PCDH15: variants seen among roughly 807,000 people sequenced by gnomAD.
The protein encoded by PCDH15 is protocadherin-15.
PCDH15 carries 129 observed loss-of-function variants against 178.5 expected under a neutral mutation model. The ratio of observed to expected loss-of-function variants is 0.72; its 90% confidence interval spans 0.63 to 0.84. The LOEUF (loss-of-function observed/expected upper bound fraction) is 0.84, where lower values mean the gene tolerates loss of function less well. Ranked by LOEUF, PCDH15 falls within the 40% of genes least tolerant of loss-of-function variation. The pLI, the probability that PCDH15 is intolerant of heterozygous loss-of-function variation, is 0.00. For synonymous variants in PCDH15, 800 were observed against 732.0 expected (o/e 1.09, Z -1.50); for missense variants, 2,230 against 2,099.9 (o/e 1.06, Z -1.21).
intron 2 of PCDH15, among the ~76,000 whole-genome samples, chr10:54,954,657 A>T (rs987118677): frequency 8.6e-5 from 13 of 151,266 alleles, no homozygotes; most frequent in African/African-American, 3.1e-4. Context: ...GTCTAAATAG[A>T]TCTGCTTTAC....
chr10:54,960,848 A>T (rs921778354), intron 2 of PCDH15, among the ~76,000 whole-genome samples: 1 of 152,200 alleles, frequency 6.6e-6, no homozygotes, highest in East Asian at 1.9e-4. Context: ...ATATATCTAC[A>T]AGTGTACAAC....
chr10:55,239,942 C>A (rs953916730), intron 1 of PCDH15, among the ~76,000 whole-genome samples: 3 of 151,916 alleles, frequency 2.0e-5, no homozygotes, highest in Admixed American at 6.6e-5. Flanking sequence ...ATATTCATAT[C>A]AAAAAAATTC....
rs78138456 is a variant in PCDH15, at chr10:54,681,373, G to A, written c.-28-17083C>T. On this transcript the variant is annotated intron_variant, in intron 1 of 37. Transcript: ENST00000644397. ...CATGGCACTAACATAGGCTATCTAC[G>A]GAGGATGTACAAAGAGAGAAAAAAT... Among the ~76,000 whole-genome samples the A allele has an allele frequency of 2.6e-3, 389 of 152,238 alleles. 4 individuals are homozygous for A. The highest frequency in any genetic ancestry group is 8.7e-3 in the African/African-American group (362 of 41,538).
intron 2 of PCDH15, among the ~76,000 whole-genome samples, chr10:54,558,985 G>A (rs1351493151): frequency 6.6e-6 from 1 of 151,900 alleles, no homozygotes; most frequent in Non-Finnish European, 1.5e-5. Context: ...GTTTCTGATA[G>A]CCAAAGAATA....
At chr10:54,098,629 G>A (rs574373595) in intron 15 of PCDH15, among the ~76,000 whole-genome samples, 99 of 152,200 alleles carry the variant, frequency 6.5e-4, no homozygotes, top group African/African-American at 2.3e-3. Context: ...ATGTTGTCAG[G>A]CCTCTGAAAG....
chr10:54,286,446 A>G (rs1350624166), intron 8 of PCDH15, among the ~76,000 whole-genome samples: 2 of 152,176 alleles, frequency 1.3e-5, no homozygotes, highest in Non-Finnish European at 2.9e-5. Flanking sequence ...CTACATACTA[A>G]AACAAAGAAT....
chr10:55,488,963 G>A (rs980160465), intron 2 of PCDH15, among the ~76,000 whole-genome samples: 4 of 151,280 alleles, frequency 2.6e-5, no homozygotes, highest in East Asian at 3.9e-4. Flanking sequence ...ATTTCAAGAA[G>A]TTTAGTACCA....
chr10:54,870,809 T>A (rs368427792), intron 3 of PCDH15, among the ~76,000 whole-genome samples: 3 of 150,932 alleles, frequency 2.0e-5, no homozygotes, highest in Non-Finnish European at 4.4e-5. Context: ...AATAAAAAAA[T>A]AAAAAAAAAA....
At chr10:54,237,060 A>G (rs1029487410) in intron 8 of PCDH15, 129 bp from the exon 9 acceptor site, 1 of 809,634 alleles carries the variant, frequency 1.2e-6, no homozygotes, top group African/African-American at 1.7e-5. Context: ...AACATTTATG[A>G]TCTAATACCT....
chr10:54,108,062 G>C (rs1355317022), intron 15 of PCDH15, among the ~76,000 whole-genome samples: 2 of 152,174 alleles, frequency 1.3e-5, no homozygotes, highest in East Asian at 3.9e-4. Context: ...AAGGGTGTCA[G>C]TAGGACAGCA....
rs138398244 is a variant in PCDH15, at chr10:53,831,469, G to A, written c.4048C>T (p.Arg1350Cys). The change falls in exon 30 of 38, where the codon CGC (arginine) becomes TGC (cysteine). Residue 1350 changes from arginine (R) to cysteine (C), a missense_variant. By Grantham distance (180) the Arg-to-Cys change is radical. Coordinates refer to ENST00000644397, the MANE Select transcript of PCDH15 (RefSeq NM_001384140.1). ...TCTGGAGTCCGGATCTCCAGAATGC[G>A]TCCTCCTTCCCCATAATACGGCTGA... ...DFQPYYGEGGRILEIRTPEAV... is the reference protein window; with the variant it reads ...DFQPYYGEGGCILEIRTPEAV... 3.8e-5 allele frequency: 61 copies of A among 1,614,040 alleles called. No individual in the cohort carries two copies. The highest frequency in any genetic ancestry group is 4.2e-5 in the Non-Finnish European group (49 of 1,180,000).
intron 3 of PCDH15, among the ~76,000 whole-genome samples, chr10:54,857,976 G>A (rs1053648172): frequency 6.0e-5 from 9 of 149,648 alleles, no homozygotes; most frequent in Non-Finnish European, 8.9e-5. Flanking sequence ...CAGCAATTTC[G>A]AAATGTACAA....
chr10:53,857,160 G>A lies in PCDH15; in HGVS notation c.3806+15C>T. On this transcript the variant is annotated intron_variant, in intron 28 of 37. Coordinates refer to ENST00000644397, the MANE Select transcript of PCDH15 (RefSeq NM_001384140.1). ...TCATATAAAAATAAATATATAAGGA[G>A]ACAAAATCAATTACTCTGTAAGATC... 1 of 1,534,268 alleles carries A rather than the reference G, an allele frequency of 6.5e-7. No homozygotes were observed. Among genetic ancestry groups the A allele is most frequent in the Non-Finnish European group, 9.0e-7 (1 of 1,109,758 alleles).
intron 3 of PCDH15, among the ~76,000 whole-genome samples, chr10:54,497,419 T>C (rs2080232793): frequency 6.6e-6 from 1 of 152,144 alleles, no homozygotes; most frequent in African/African-American, 2.4e-5. Flanking sequence ...ATGACTGCAC[T>C]AACTCCCCAG....
intron 13 of PCDH15, among the ~76,000 whole-genome samples, chr10:54,158,725 C>A: frequency 6.8e-6 from 1 of 146,256 alleles, no homozygotes; most frequent in Non-Finnish European, 1.5e-5. Context: ...CAGAAAGCCA[C>A]AGTTGATATA....
At chr10:55,107,707 G>T (rs1165072915) in intron 2 of PCDH15, among the ~76,000 whole-genome samples, 5 of 151,438 alleles carry the variant, frequency 3.3e-5, no homozygotes, top group African/African-American at 1.2e-4. Flanking sequence ...TGGCCAGGCT[G>T]GTCTCGAACT....
chr10:54,783,249 A>G (rs1047480730), intron 1 of PCDH15, among the ~76,000 whole-genome samples: 5 of 152,138 alleles, frequency 3.3e-5, no homozygotes, highest in Admixed American at 1.3e-4. Flanking sequence ...TTATGATCTG[A>G]ATGAGAAATT....
rs373210211 is a variant in PCDH15 at position 54,508,564 on chromosome 10, A to G, written c.157+19248T>C. On this transcript the variant is annotated intron_variant, in intron 3 of 37. Coordinates refer to ENST00000644397, the MANE Select transcript of PCDH15 (RefSeq NM_001384140.1). The stretch of plus-strand genomic sequence containing the variant: ...TATTGGTCTACATTTGGGCAAAATC[A>G]AATGCTTATTTCATAATTAAGTGTT... 1.8e-4 allele frequency among the ~76,000 whole-genome samples: 28 copies of G among 152,266 alleles called. No homozygotes were observed. The South Asian group carries it at 2.1e-3, about 11-fold the overall frequency.
intron 16 of PCDH15, among the ~76,000 whole-genome samples, chr10:54,088,450 C>A (rs999390101): frequency 6.6e-6 from 1 of 152,066 alleles, no homozygotes; most frequent in Non-Finnish European, 1.5e-5. Context: ...ATTCTTGAGA[C>A]ATGTTTCACA....
Sources: gnomAD v4.1 joint callset for allele counts (sites outside exome capture counted in the v4.1 genomes callset) on GRCh38, gnomAD v4.1.1 for gene constraint, MANE v1.5 for transcripts, NCBI Gene and HGNC (gene_info 2026-07-23, HGNC 2026-07-21) for gene names.